TMF1: variants seen among roughly 807,000 people sequenced by gnomAD.
The protein encoded by TMF1 is TATA element modulatory factor 1, also known as TATA element modulatory factor.
Under a neutral mutation model 126.5 loss-of-function variants are expected in TMF1, and 71 were observed. The ratio of observed to expected loss-of-function variants is 0.56; its 90% CI spans 0.46 to 0.68. The LOEUF (loss-of-function observed/expected upper bound fraction) is 0.68. Ranked by LOEUF, TMF1 falls within the 30% of genes least tolerant of loss-of-function variation. TMF1 has a pLI of 0.00. For missense variants in TMF1, 1,259 were observed against 1,253.2 expected, an observed-to-expected ratio of 1.00 and a Z score of -0.07; for synonymous variants, 461 against 430.5, an observed-to-expected ratio of 1.07 and a Z score of -0.88.
chr3:69,035,049 G>A lies in TMF1; in HGVS notation c.2218C>T (p.Arg740Cys), dbSNP rs546273135. ...QAAARKEDYL[R>C]HEIGELQQRL... ...TGCTGAAGTTCACCGATCTCATGGC[G>A]TAAATAATCCTCCTTTCTGGCAGCC... The change falls in exon 9 of 17, where the codon CGC (arginine) becomes TGC (cysteine). Residue 740 changes from arginine to cysteine, a missense_variant. By Grantham distance (180) the Arg-to-Cys change is radical. Transcript: ENST00000398559. 17 of 1,614,102 alleles carry A rather than the reference G, an allele frequency of 1.1e-5. No individual in the cohort carries two copies. The highest frequency in any genetic ancestry group is 8.3e-5 in the Admixed American group (5 of 60,008).
chr3:69,041,775 T>C (rs965626503), intron 5 of TMF1, among the ~76,000 whole-genome samples: 3 of 152,132 alleles, frequency 2.0e-5, no homozygotes, highest in African/African-American at 7.2e-5. Context: ...TAGTTCCTTA[T>C]AATATTGGAT....
At chr3:69,032,264 C>G (rs752345720) in intron 10 of TMF1, among the ~76,000 whole-genome samples, 12 of 152,094 alleles carry the variant, frequency 7.9e-5, no homozygotes, top group Non-Finnish European at 1.8e-4. Context: ...TCTAGTTCAC[C>G]CCCCCGATTC....
chr3:69,032,798 C>A (rs1035264023), intron 10 of TMF1, among the ~76,000 whole-genome samples: 1 of 151,686 alleles, frequency 6.6e-6, no homozygotes, highest in African/African-American at 2.4e-5. Context: ...TTGGTAGAGA[C>A]GGGGGTCTCA....
rs2091746854 is a variant in TMF1, at chr3:69,022,830, A to C, written c.*347T>G. The C allele has an allele frequency of 6.3e-6, 1 of 158,738 alleles. No homozygotes were observed. The highest frequency in any genetic ancestry group is 1.4e-5 in the Non-Finnish European group (1 of 72,450). 9.8% of individuals were successfully genotyped at this position (158,738 alleles called of 1,614,324 possible). A position where few individuals can be genotyped will look rare whatever the true frequency, so the allele number is the denominator to read the frequency against. ...ATATATAAACACTTACAAATTATAG[A>C]TACAACTAGTTGTATATCTACAATA... On this transcript the variant is annotated 3_prime_UTR_variant, in exon 17 of 17. Coordinates refer to ENST00000398559, the MANE Select transcript of TMF1 (RefSeq NM_007114.3).
At chr3:69,033,426 C>G in intron 10 of TMF1, 122 bp downstream of exon 10, 1 of 1,110,714 alleles carries the variant, frequency 9.0e-7, no homozygotes. Flanking sequence ...ATGTAAAAAT[C>G]TACATATTAG....
At chr3:69,042,756 C>T in intron 5 of TMF1, 51 bp downstream of exon 5, 1 of 1,464,770 alleles carries the variant, frequency 6.8e-7, no homozygotes, top group Non-Finnish European at 9.5e-7. Flanking sequence ...GTGGCAAGTA[C>T]TTTTCCTGTT....
chr3:69,030,028 A>T (rs764208524), intron 10 of TMF1, 21 bp from the exon 11 acceptor site: 30 of 1,590,398 alleles, frequency 1.9e-5, no homozygotes, highest in Non-Finnish European at 2.6e-5. Flanking sequence ...GACAGAAAAA[A>T]AAATCACATA....
In TMF1 at chr3:69,044,554, A is replaced by T. The variant is rs1490440530; in HGVS notation, c.1389T>A (p.Ala463=). 4.3e-6 allele frequency: 7 copies of T among 1,609,814 alleles called. No individual in the cohort carries two copies. The highest frequency in any genetic ancestry group is 5.9e-6 in the Non-Finnish European group (7 of 1,178,866). ...FLNEKLEKRE[A]QLLSLSKEKA... The stretch of plus-strand genomic sequence containing the variant: ...TTTCCTTACTAAGAGATAATAACTG[A>T]GCCTCCCTTTTTTCCAGCTTTTCAT... The change falls in exon 3 of 17, where the codon GCT becomes GCA. Residue 463 remains alanine, a synonymous_variant. Coordinates refer to ENST00000398559, the MANE Select transcript of TMF1 (RefSeq NM_007114.3).
rs138710185 is a variant in TMF1, at chr3:69,024,354, C to T, written c.3013-174G>A. On this transcript the variant is annotated intron_variant, in intron 15 of 16. Transcript: ENST00000398559. ...AGTAAAGGAAACAGTGGCAGAAAAA[C>T]GGTCCCAACTTTCCTGAGAGGTATA... 6.3e-4 allele frequency: 307 copies of T among 486,404 alleles called. 2 individuals are homozygous for T. The highest frequency in any genetic ancestry group is 5.8e-3 in the African/African-American group (277 of 48,052). 30.1% of individuals were successfully genotyped at this position (486,404 alleles called of 1,614,324 possible).
In TMF1 at chr3:69,048,452, C is replaced by T. The variant is rs2091908484; in HGVS notation, c.253G>A (p.Val85Ile). 10 of 1,614,170 alleles carry T rather than the reference C, an allele frequency of 6.2e-6. No individual in the cohort carries two copies. Among genetic ancestry groups the T allele is most frequent in the African/African-American group, 4.0e-5 (3 of 75,042 alleles). The change falls in exon 2 of 17, where the codon GTT (valine) becomes ATT (isoleucine). Residue 85 changes from valine (V) to isoleucine (I), a missense_variant. Val to Ile is a conservative substitution (Grantham distance 29, BLOSUM62 3). Coordinates refer to ENST00000398559, the MANE Select transcript of TMF1 (RefSeq NM_007114.3). ...IASPKAITKP[V>I]RRTVVDESEN... is the part of the protein sequence containing the mutation. ...GATTCATCGACCACAGTCCTCCGAA[C>T]TGGCTTTGTGATTGCTTTAGGAGAG...
intron 15 of TMF1, chr3:69,024,707 A>T (rs914446815): frequency 6.6e-6 from 1 of 150,676 alleles, no homozygotes; most frequent in Middle Eastern, 3.2e-3. Context: ...ATATAATGGG[A>T]GTTGAATTTT....
At position 69,027,975 on chromosome 3, in the gene TMF1, C is replaced by G; in HGVS notation, c.2682G>C (p.Gln894His). 1 of 1,575,550 alleles carries G rather than the reference C, an allele frequency of 6.3e-7. No homozygotes were observed. The highest frequency in any genetic ancestry group is 8.7e-7 in the Non-Finnish European group (1 of 1,147,300). Reference sequence around the variant, plus strand: ...CAACTTTCATTCTTTCCATTTCTAACTGACTATTCAACAATGTCTAATAGA... The same window carrying G: ...CAACTTTCATTCTTTCCATTTCTAAGTGACTATTCAACAATGTCTAATAGA... ...TRKEKTLLNSQLEMERMKVEQ... is the reference protein window; with the variant it reads ...TRKEKTLLNSHLEMERMKVEQ... The change falls in exon 13 of 17, where the codon CAG (glutamine) becomes CAC (histidine). Residue 894 changes from glutamine (Q) to histidine (H), a missense_variant. By Grantham distance (24) the Gln-to-His change is conservative (BLOSUM62 0). Transcript: ENST00000398559.
Position 69,048,236 on chromosome 3 carries a change from A to G in TMF1, c.469T>C (p.Leu157=). 1 of 1,614,156 alleles carries G rather than the reference A, an allele frequency of 6.2e-7. No individual in the cohort carries two copies. The highest frequency in any genetic ancestry group is 8.5e-7 in the Non-Finnish European group (1 of 1,180,010). The change falls in exon 2 of 17, where the codon TTG becomes CTG. Residue 157 remains leucine, a synonymous_variant. Transcript: ENST00000398559. Reference sequence around the variant, plus strand: ...GCCAGAGTTTCCCCTGAAACACACAAAGAAGAGTCTTTTACTTGTGATTCA... The same window carrying G: ...GCCAGAGTTTCCCCTGAAACACACAGAGAAGAGTCTTTTACTTGTGATTCA... ...TTESQVKDSS[L]CVSGETLAAG... is the part of the protein sequence containing the mutation.
At chr3:69,032,258 G>T (rs2091807309) in intron 10 of TMF1, among the ~76,000 whole-genome samples, 1 of 152,080 alleles carries the variant, frequency 6.6e-6, no homozygotes, top group African/African-American at 2.4e-5. Context: ...CACTAATCTA[G>T]TTCACCCCCC....
At position 69,021,369 on chromosome 3, in the gene TMF1, G is replaced by C. The variant is rs1429216266; in HGVS notation, c.*1808C>G. On this transcript the variant is annotated 3_prime_UTR_variant, in exon 17 of 17. Transcript: ENST00000398559. ...TTTCTAATTCTATACATTTCTTATT[G>C]CTTATCTGTCCTGTCATTCTGCCCT... 1 of 152,450 alleles carries C rather than the reference G, an allele frequency of 6.6e-6. No individual in the cohort carries two copies. The highest frequency in any genetic ancestry group is 2.4e-5 in the African/African-American group (1 of 41,398). The allele number at this position is 152,450 out of a possible 1,614,324, so 9.4% of individuals were successfully genotyped here. A position where few individuals can be genotyped will look rare whatever the true frequency, so the allele number is the denominator to read the frequency against.
chr3:69,044,037 T>A (rs1178378749), intron 3 of TMF1, among the ~76,000 whole-genome samples, 161 bp from the exon 4 acceptor site: 1 of 152,122 alleles, frequency 6.6e-6, no homozygotes, highest in Admixed American at 6.5e-5. Flanking sequence ...AAAAGGAAAT[T>A]TCCCTTGTTA....
intron 1 of TMF1, 180 bp from the exon 2 acceptor site, chr3:69,048,742 G>C (rs1192702991): frequency 1.3e-5 from 7 of 553,906 alleles, no homozygotes; most frequent in South Asian, 3.4e-5. Context: ...TTAATACAGG[G>C]ACTTACGGAA....
chr3:69,045,024 G>A (rs1266111157), intron 2 of TMF1, among the ~76,000 whole-genome samples: 1 of 152,188 alleles, frequency 6.6e-6, no homozygotes, highest in Non-Finnish European at 1.5e-5. Flanking sequence ...GAAGGGAGAT[G>A]GATGCAATCA....
chr3:69,051,810 G>A (rs2091931420), intron 1 of TMF1, 135 bp downstream of exon 1: 4 of 1,075,018 alleles, frequency 3.7e-6, no homozygotes, highest in Non-Finnish European at 5.2e-6. Flanking sequence ...GCAGCATTAG[G>A]GAACGGGCCG....
Sources: allele counts gnomAD v4.1 joint callset (sites outside exome capture counted in the v4.1 genomes callset), GRCh38; gene constraint gnomAD v4.1.1; transcripts MANE v1.5; gene names NCBI Gene and HGNC (gene_info 2026-07-23, HGNC 2026-07-21).